The following FAAH2 variants were observed in gnomAD, a reference collection of about 807,000 sequenced individuals.
The protein encoded by FAAH2 is fatty-acid amide hydrolase 2.
A neutral mutation model predicts 36.9 loss-of-function variants in FAAH2; 60 were observed. The ratio of observed to expected loss-of-function variants is 1.63; its 90% CI spans 1.32 to 2.02. The LOEUF (loss-of-function observed/expected upper bound fraction) is 2.02. Among genes scored for constraint, FAAH2 ranks in the 30% most tolerant of loss-of-function variants. FAAH2 has a pLI of 0.00. For missense variants in FAAH2, 689 were observed against 397.5 expected, an observed-to-expected ratio of 1.73 and a Z score of -6.23; for synonymous variants, 214 against 143.8, an observed-to-expected ratio of 1.49 and a Z score of -3.49.
At chrX:57,479,127 T>C (rs746430852) in intron 10 of FAAH2, among the ~76,000 whole-genome samples, 1 of 111,548 alleles carries the variant, frequency 9.0e-6, no homozygotes, top group Non-Finnish European at 1.9e-5. Context: ...TGAGTATGGA[T>C]TGTTCTTCCA....
chrX:57,136,114 A>C, the FAAH2 span: 1 of 1,206,683 alleles, frequency 8.3e-7, no homozygotes, highest in Non-Finnish European at 1.1e-6. Context: ...GTAATATAAA[A>C]CCAGGCTTTC....
chrX:57,362,499 G>A (rs149207728), intron 5 of FAAH2, among the ~76,000 whole-genome samples: 7 of 111,517 alleles, frequency 6.3e-5, no homozygotes, highest in Non-Finnish European at 1.1e-4. Context: ...CTGGATATTA[G>A]GCCTTTGTCA....
At chrX:57,252,419 A>G in the FAAH2 span, among the ~76,000 whole-genome samples, 1 of 112,405 alleles carries the variant, frequency 8.9e-6, no homozygotes, top group Admixed American at 9.4e-5. Context: ...AGCTCTGCTA[A>G]CAGACAGACT....
At chrX:57,450,448 A>C (rs2056763792) in intron 10 of FAAH2, among the ~76,000 whole-genome samples, 1 of 111,600 alleles carries the variant, frequency 9.0e-6, no homozygotes, top group Admixed American at 9.6e-5. Context: ...ATTCTATCTG[A>C]CTTTAAATGC....
chrX:57,322,428 T>A (rs781721596), intron 3 of FAAH2, among the ~76,000 whole-genome samples: 16 of 111,511 alleles, frequency 1.4e-4, no homozygotes, highest in African/African-American at 4.2e-4. Flanking sequence ...AGCCTTTAAC[T>A]TTTTTTTCTT....
chrX:57,449,897 C>T (rs1204649367), intron 10 of FAAH2, among the ~76,000 whole-genome samples: 3 of 111,605 alleles, frequency 2.7e-5, no homozygotes, highest in Admixed American at 9.6e-5. Context: ...AACTCCTGAC[C>T]TCAGATTATC....
intron 7 of FAAH2, chrX:57,395,169 C>T (rs2055264245): frequency 5.6e-6 from 3 of 534,213 alleles, no homozygotes; most frequent in Admixed American, 2.3e-5. Context: ...TGTACTTGAT[C>T]ACCTCAGATT....
At chrX:57,381,609 T>G (rs2054852396) in intron 7 of FAAH2, 2 of 543,393 alleles carry the variant, frequency 3.7e-6, no homozygotes, top group Non-Finnish European at 4.5e-6. Flanking sequence ...AAGGGATCAA[T>G]TCAACAAGAA....
chrX:57,314,521 T>G (rs1444590153), intron 3 of FAAH2, among the ~76,000 whole-genome samples: 1 of 111,268 alleles, frequency 9.0e-6, no homozygotes, highest in Non-Finnish European at 1.9e-5. Context: ...AATCTTACCA[T>G]GCACACTCTT....
intron 7 of FAAH2, among the ~76,000 whole-genome samples, chrX:57,417,574 A>T (rs995230501): frequency 1.8e-5 from 2 of 112,055 alleles, no homozygotes; most frequent in Non-Finnish European, 3.8e-5. Context: ...AGAATAGCAA[A>T]GATTGCTGCC....
At chrX:57,308,297 G>GT (rs886886665) in intron 2 of FAAH2, among the ~76,000 whole-genome samples, 8 of 111,137 alleles carry the variant, frequency 7.2e-5, no homozygotes, top group Non-Finnish European at 1.5e-4. Context: ...GGTATCTGTT[G>GT]TTTTTTTACT....
At chrX:57,207,800 G>A in the FAAH2 span, among the ~76,000 whole-genome samples, 9 of 112,475 alleles carry the variant, frequency 8.0e-5, no homozygotes, top group Admixed American at 9.4e-5. Context: ...AACTTTTTGC[G>A]GGGATTCCCC....
the FAAH2 span, among the ~76,000 whole-genome samples, chrX:57,156,449 C>T: frequency 8.9e-6 from 1 of 111,879 alleles, no homozygotes; most frequent in African/African-American, 3.2e-5. Flanking sequence ...GGATATTCTT[C>T]AGTATCTGGG....
intron 10 of FAAH2, among the ~76,000 whole-genome samples, chrX:57,480,668 C>T (rs1399566087): frequency 9.0e-6 from 1 of 111,491 alleles, no homozygotes; most frequent in Non-Finnish European, 1.9e-5. Context: ...CTGCTGTTAA[C>T]ATTTTTTCCT....
In FAAH2 at chrX:57,341,338, C is replaced by T. The variant is rs779764694; in HGVS notation, c.690C>T (p.Ser230=). The T allele has an allele frequency of 9.1e-6, 11 of 1,210,317 alleles. No homozygotes were observed. In the South Asian group the frequency reaches 1.8e-4, roughly 19 times the overall value. ...VIGVGSDIGG[S]IRMPAFFNGI... is the part of the protein sequence containing the mutation. ...GTGTGGGCTCTGATATTGGTGGTAG[C>T]ATTCGAATGCCTGCTTTCTTCAATG... Residue 230 remains serine (S), a synonymous_variant, in exon 5 of 11, where the codon AGC becomes AGT. Coordinates refer to ENST00000374900, the MANE Select transcript of FAAH2 (RefSeq NM_174912.4).
intron 1 of FAAH2, among the ~76,000 whole-genome samples, chrX:57,288,967 T>A (rs1233519692): frequency 9.0e-6 from 1 of 111,389 alleles, no homozygotes; most frequent in African/African-American, 3.3e-5. Context: ...ATTTATCCCT[T>A]AGTTTCTGAC....
In FAAH2 at chrX:57,467,124, T is replaced by A. The variant is rs999900007; in HGVS notation, c.1423+18406T>A. Among the ~76,000 whole-genome samples the A allele has an allele frequency of 3.6e-5, 4 of 111,253 alleles. No individual in the cohort carries two copies. In the Admixed American group the frequency reaches 3.8e-4, roughly 11 times the overall value. On this transcript the variant is annotated intron_variant, in intron 10 of 10. Transcript: ENST00000374900. ...TATTATTAAATAAGTTGATTTGGGT[T>A]CCAAGATGGCCAAATAGGAACAGCT...
At chrX:57,312,990 C>T (rs1386511648) in intron 3 of FAAH2, among the ~76,000 whole-genome samples, 2 of 110,866 alleles carry the variant, frequency 1.8e-5, no homozygotes, top group Middle Eastern at 4.6e-3. Context: ...GCAAAGCATC[C>T]AGTAAAATGA....
intron 10 of FAAH2, among the ~76,000 whole-genome samples, chrX:57,453,716 A>G (rs181808061): frequency 8.9e-6 from 1 of 112,168 alleles, no homozygotes; most frequent in East Asian, 2.8e-4. Flanking sequence ...GTGTGTGGCC[A>G]CAACTTCTTG....
Sources: gnomAD v4.1 joint callset for allele counts (sites outside exome capture counted in the v4.1 genomes callset) on GRCh38, gnomAD v4.1.1 for gene constraint, MANE v1.5 for transcripts, NCBI Gene and HGNC (gene_info 2026-07-23, HGNC 2026-07-21) for gene names.